Variants in MBOAT2 observed in about 807,000 individuals in gnomAD.
MBOAT2 encodes the protein membrane-bound glycerophospholipid O-acyltransferase 2.
A neutral mutation model predicts 63.4 loss-of-function variants in MBOAT2; 28 were observed. That is an observed-to-expected ratio of 0.44 (90% CI 0.33 to 0.61). MBOAT2 has a LOEUF of 0.61. MBOAT2 is among the 20% of genes least tolerant of loss of function. The probability of loss-of-function intolerance (pLI) is 0.03; values close to 1 mark genes in which losing one functional copy is unlikely to be tolerated. For synonymous variants in MBOAT2, 211 were observed against 215.6 expected, an observed-to-expected ratio of 0.98 and a Z score of 0.19; for missense variants, 470 against 605.8, an observed-to-expected ratio of 0.78 and a Z score of 2.35.
chr2:8,903,975 T>TA (rs56685494), intron 4 of MBOAT2, among the ~76,000 whole-genome samples: 2 of 152,052 alleles, frequency 1.3e-5, no homozygotes, highest in African/African-American at 2.4e-5. Context: ...CTTTTTTTTT[T>TA]ATTTTACTTT....
intron 4 of MBOAT2, among the ~76,000 whole-genome samples, chr2:8,889,898 T>C (rs1204885352): frequency 6.6e-6 from 1 of 152,164 alleles, no homozygotes; most frequent in East Asian, 1.9e-4. Flanking sequence ...TTCTATTCCA[T>C]CAGGTGCAAA....
chr2:8,913,320 CAA>C (rs1665924827), intron 3 of MBOAT2, among the ~76,000 whole-genome samples: 1 of 152,086 alleles, frequency 6.6e-6, no homozygotes, highest in East Asian at 1.9e-4. Context: ...GCAATAAAAA[CAA>C]AGATAAATAG....
At chr2:8,898,758 G>C (rs527276994) in intron 4 of MBOAT2, among the ~76,000 whole-genome samples, 1 of 152,376 alleles carries the variant, frequency 6.6e-6, no homozygotes, top group East Asian at 1.9e-4. Flanking sequence ...CAAAGGCAAA[G>C]AGAAACTGGG....
chr2:8,906,817 T>C (rs895724666), intron 4 of MBOAT2, among the ~76,000 whole-genome samples: 2 of 152,256 alleles, frequency 1.3e-5, no homozygotes, highest in Non-Finnish European at 2.9e-5. Flanking sequence ...AATTTGCCTA[T>C]GTAAATCACT....
In MBOAT2 at chr2:8,959,744, T is replaced by C. The variant is rs545527003; in HGVS notation, c.76-1102A>G. The stretch of plus-strand genomic sequence containing the variant: ...TCCCAAAGTGCTGGGATAATAGGCA[T>C]GAACAATCACACCTGGCCAAAATCT... On this transcript the variant is annotated intron_variant, in intron 1 of 12. Coordinates refer to ENST00000305997, the MANE Select transcript of MBOAT2 (RefSeq NM_138799.4). Among the ~76,000 whole-genome samples, 11 of 152,322 alleles carry C rather than the reference T, an allele frequency of 7.2e-5. No homozygotes were observed. In the South Asian group the frequency reaches 2.3e-3, roughly 32 times the overall value.
chr2:8,876,163 GC>G (rs1232572378), intron 7 of MBOAT2, among the ~76,000 whole-genome samples: 3 of 152,206 alleles, frequency 2.0e-5, no homozygotes, highest in Non-Finnish European at 2.9e-5. Flanking sequence ...GAGCCTCACT[GC>G]CTTTCTTTAT....
intron 5 of MBOAT2, among the ~76,000 whole-genome samples, chr2:8,885,611 C>T (rs779568224): frequency 1.3e-5 from 2 of 152,162 alleles, no homozygotes; most frequent in Non-Finnish European, 2.9e-5. Context: ...CAGTACAAGC[C>T]AGACTTCATG....
chr2:8,968,685 T>C (rs924374785), intron 1 of MBOAT2, among the ~76,000 whole-genome samples: 2 of 152,084 alleles, frequency 1.3e-5, no homozygotes, highest in Non-Finnish European at 2.9e-5. Context: ...AGTCCTTAAA[T>C]GACCTGATGT....
At chr2:8,978,666 G>A (rs1280196401) in intron 1 of MBOAT2, among the ~76,000 whole-genome samples, 1 of 152,070 alleles carries the variant, frequency 6.6e-6, no homozygotes, top group Non-Finnish European at 1.5e-5. Flanking sequence ...CCAGTCAGGG[G>A]GTGGGGAGTG....
At chr2:8,900,660 C>A (rs1394997351) in intron 4 of MBOAT2, among the ~76,000 whole-genome samples, 1 of 152,076 alleles carries the variant, frequency 6.6e-6, no homozygotes, top group African/African-American at 2.4e-5. Context: ...GAAAGGGGAG[C>A]TATAGGGAGG....
At position 8,930,710 on chromosome 2, in the gene MBOAT2, G is replaced by A. The variant is rs563208353; in HGVS notation, c.299+12477C>T. On this transcript the variant is annotated intron_variant, in intron 3 of 12. Coordinates refer to ENST00000305997, the MANE Select transcript of MBOAT2 (RefSeq NM_138799.4). The stretch of plus-strand genomic sequence containing the variant: ...AGGGGAACATCACACACCGGGGACT[G>A]TTGTGGGGTGGGGGGAGGGGGGAGG... 1.8e-4 allele frequency among the ~76,000 whole-genome samples: 21 copies of A among 115,218 alleles called. No individual in the cohort carries two copies. In the South Asian group the frequency reaches 7.1e-3, roughly 39 times the overall value. The allele number at this position is 115,218 out of a possible 152,430, so 75.6% of individuals were successfully genotyped here.
intron 12 of MBOAT2, 71 bp from the exon 13 acceptor site, chr2:8,858,975 A>G: frequency 9.1e-7 from 1 of 1,104,186 alleles, no homozygotes; most frequent in Non-Finnish European, 1.3e-6. Context: ...ACACTTGTCA[A>G]AATGTCACAT....
chr2:8,985,993 T>C (rs1398605101), intron 1 of MBOAT2, among the ~76,000 whole-genome samples: 1 of 152,148 alleles, frequency 6.6e-6, no homozygotes, highest in Admixed American at 6.6e-5. Context: ...TGACAGACAC[T>C]GCCTCAGCCA....
At chr2:8,941,729 C>T (rs896570871) in intron 3 of MBOAT2, among the ~76,000 whole-genome samples, 4 of 152,008 alleles carry the variant, frequency 2.6e-5, no homozygotes, top group African/African-American at 9.7e-5. Flanking sequence ...TAAACTTACA[C>T]AGTCACATGT....
At chr2:8,868,173 C>A (rs1191894350) in intron 9 of MBOAT2, among the ~76,000 whole-genome samples, 1 of 152,164 alleles carries the variant, frequency 6.6e-6, no homozygotes, top group Non-Finnish European at 1.5e-5. Flanking sequence ...TACCCACATG[C>A]CTTACCCCTC....
chr2:8,881,007 G>T (rs1201777789), intron 6 of MBOAT2, among the ~76,000 whole-genome samples: 1 of 152,180 alleles, frequency 6.6e-6, no homozygotes, highest in Non-Finnish European at 1.5e-5. Context: ...TGGCCAGAAG[G>T]GAATGAGAGG....
intron 2 of MBOAT2, among the ~76,000 whole-genome samples, chr2:8,948,878 A>C (rs1668611269): frequency 1.3e-5 from 2 of 152,068 alleles, no homozygotes; most frequent in South Asian, 4.1e-4. Flanking sequence ...TTGCTGGGTC[A>C]AACGGTAGTT....
intron 7 of MBOAT2, among the ~76,000 whole-genome samples, chr2:8,876,301 C>A (rs1329702688): frequency 2.0e-5 from 3 of 152,194 alleles, no homozygotes; most frequent in Non-Finnish European, 4.4e-5. Flanking sequence ...AGTTCTACTG[C>A]CAACCTGGGG....
At chr2:8,932,693 T>C (rs929735855) in intron 3 of MBOAT2, among the ~76,000 whole-genome samples, 3 of 151,370 alleles carry the variant, frequency 2.0e-5, no homozygotes, top group African/African-American at 7.3e-5. Context: ...TCTGTACAAG[T>C]AGACAGTAAC....
Sources: allele counts gnomAD v4.1 joint callset (sites outside exome capture counted in the v4.1 genomes callset), GRCh38; gene constraint gnomAD v4.1.1; transcripts MANE v1.5; gene names NCBI Gene and HGNC (gene_info 2026-07-23, HGNC 2026-07-21).